Variants in LRRK1 observed in about 807,000 individuals in gnomAD.
LRRK1 encodes leucine rich repeat kinase 1.
LRRK1 carries 113 observed loss-of-function variants against 209.1 expected under a neutral mutation model. That is an observed-to-expected ratio of 0.54 (90% CI 0.46 to 0.63). The LOEUF is 0.63. LRRK1 is among the 30% of genes least tolerant of loss of function. The probability of loss-of-function intolerance (pLI) is 0.00; values close to 1 mark genes in which losing one functional copy is unlikely to be tolerated. For missense variants in LRRK1, 2,284 were observed against 2,632.2 expected (o/e 0.87, Z 2.89); for synonymous variants, 1,144 against 1,099.7 (o/e 1.04, Z -0.80).
chr15:101,062,637 T>C lies in LRRK1; in HGVS notation c.4861T>C (p.Leu1621=), dbSNP rs1264370004. The C allele has an allele frequency of 6.2e-7, 1 of 1,614,206 alleles. No individual in the cohort carries two copies. Among genetic ancestry groups the C allele is most frequent in the Non-Finnish European group, 8.5e-7 (1 of 1,180,018 alleles). The change falls in exon 31 of 34, where the codon TTG becomes CTG. Residue 1621 remains leucine, a synonymous_variant. Coordinates refer to ENST00000388948, the MANE Select transcript of LRRK1 (RefSeq NM_024652.6). The stretch of plus-strand genomic sequence containing the variant: ...CCCCTTAAACACACCCCAACAGGCC[T>C]TGGATACTCCAGCTGTCGTCACCTG... ...MCPLNTPQQA[L]DTPAVVTCFL... is the part of the protein sequence containing the mutation.
At chr15:100,928,008 G>A (rs1232873581) in intron 2 of LRRK1, among the ~76,000 whole-genome samples, 1 of 152,246 alleles carries the variant, frequency 6.6e-6, no homozygotes, top group Non-Finnish European at 1.5e-5. Flanking sequence ...CTCAAAGGGT[G>A]GCGTGTGGCC....
intron 2 of LRRK1, among the ~76,000 whole-genome samples, chr15:100,969,032 G>A (rs1387018377): frequency 6.6e-6 from 1 of 152,110 alleles, no homozygotes; most frequent in Non-Finnish European, 1.5e-5. Flanking sequence ...TGTAGAGACA[G>A]GGTCTACTTG....
At chr15:101,021,775 CG>C in intron 13 of LRRK1, 69 bp from the exon 14 acceptor site, 1 of 855,624 alleles carries the variant, frequency 1.2e-6, no homozygotes, top group Non-Finnish European at 1.9e-6. Context: ...CACGTGTGTG[CG>C]TGTGTGTGTG....
At chr15:100,968,330 G>T (rs1232743999) in intron 2 of LRRK1, among the ~76,000 whole-genome samples, 1 of 152,158 alleles carries the variant, frequency 6.6e-6, no homozygotes, top group Non-Finnish European at 1.5e-5. Context: ...TACATTTCTG[G>T]ACATATTTCT....
At chr15:100,926,649 TTTC>T (rs1260135912) in intron 2 of LRRK1, among the ~76,000 whole-genome samples, 3 of 151,246 alleles carry the variant, frequency 2.0e-5, no homozygotes, top group African/African-American at 7.3e-5. Flanking sequence ...TTTCATTTTC[TTTC>T]TTTCTTTTCT....
In LRRK1 at chr15:101,022,669, C is replaced by A; in HGVS notation, c.2067+72C>A. 9.2e-7 allele frequency: 1 copy of A among 1,092,308 alleles called. No homozygotes were observed. The highest frequency in any genetic ancestry group is 2.6e-5 in the East Asian group (1 of 38,626). The allele number at this position is 1,092,308 out of a possible 1,614,324, so 67.7% of individuals were successfully genotyped here. A position where few individuals can be genotyped will look rare whatever the true frequency, so the allele number is the denominator to read the frequency against. On this transcript the variant is annotated intron_variant, in intron 15 of 33. Coordinates refer to ENST00000388948, the MANE Select transcript of LRRK1 (RefSeq NM_024652.6). The surrounding 1 kb of genome is among the most constrained non-coding windows in gnomAD (Gnocchi z 4.0). The stretch of plus-strand genomic sequence containing the variant: ...CCCTTGGACTCCTTCTCCCTTCTCC[C>A]CAGAGAGCCCAGGATTTTCTCAGCC...
At chr15:101,021,984 G>C in intron 14 of LRRK1, 27 bp downstream of exon 14, 3 of 1,503,738 alleles carry the variant, frequency 2.0e-6, no homozygotes, top group South Asian at 2.3e-5. Flanking sequence ...CCTGTCCCCT[G>C]CCATCACCTC....
intron 31 of LRRK1, 186 bp from the exon 32 acceptor site, chr15:101,065,166 G>A (rs1240641487): frequency 2.5e-5 from 16 of 636,360 alleles, no homozygotes; most frequent in East Asian, 1.1e-4. Context: ...ATGGCTCTGC[G>A]GAGTCAGAGC....
At chr15:101,006,144 T>C (rs1446899152) in intron 6 of LRRK1, among the ~76,000 whole-genome samples, 1 of 152,180 alleles carries the variant, frequency 6.6e-6, no homozygotes, top group Non-Finnish European at 1.5e-5. Flanking sequence ...GGGCACCACC[T>C]GTAGCAGGAA....
chr15:100,923,153 C>T (rs966180043), intron 1 of LRRK1, among the ~76,000 whole-genome samples: 6 of 152,128 alleles, frequency 3.9e-5, no homozygotes, highest in African/African-American at 1.4e-4. Context: ...CCACCCCAGC[C>T]CTGTCGTAGA....
At position 100,919,811 on chromosome 15, in the gene LRRK1, G is replaced by A. The variant is rs1223278762; in HGVS notation, c.-123+360G>A. Among the ~76,000 whole-genome samples the A allele has an allele frequency of 1.3e-5, 2 of 152,206 alleles. No individual in the cohort carries two copies. Among genetic ancestry groups the A allele is most frequent in the Non-Finnish European group, 2.9e-5 (2 of 68,018 alleles). On this transcript the variant is annotated intron_variant, in intron 1 of 33. Coordinates refer to ENST00000388948, the MANE Select transcript of LRRK1 (RefSeq NM_024652.6). This position sits in a 1 kb window ranked among gnomAD's most constrained non-coding sequence, Gnocchi z 5.8. ...AGCGGAGGCAAGAGACACGAGTCGG[G>A]AGACACGAGCCGGGGAGCCCATAGG...
chr15:101,063,365 C>T (rs570907798), intron 31 of LRRK1, among the ~76,000 whole-genome samples: 4 of 152,344 alleles, frequency 2.6e-5, no homozygotes, highest in Non-Finnish European at 4.4e-5. Flanking sequence ...GGGCCCTTGA[C>T]ATCCCAGCCT....
Position 100,983,441 on chromosome 15 carries a change from C to T in LRRK1, c.262-87C>T, listed in dbSNP as rs945671927. ...GGACAACACAACTCCAGTCCTGCTC[C>T]GGGACCTGGTGAAGGGTTTAACGTC... is the stretch of plus-strand genomic sequence containing the variant. On this transcript the variant is annotated intron_variant, in intron 3 of 33. Transcript: ENST00000388948. 1.4e-5 allele frequency: 18 copies of T among 1,294,914 alleles called. No homozygotes were observed. The African/African-American group carries it at 1.6e-4, about 12-fold the overall frequency. The allele number at this position is 1,294,914 out of a possible 1,614,324, so 80.2% of individuals were successfully genotyped here.
At chr15:101,057,575 A>G (rs2035884366) in intron 28 of LRRK1, among the ~76,000 whole-genome samples, 4 of 152,226 alleles carry the variant, frequency 2.6e-5, no homozygotes. Flanking sequence ...TTATCTGGGC[A>G]TGGTGACATG....
intron 10 of LRRK1, among the ~76,000 whole-genome samples, chr15:101,012,629 CCCCAGGCAGAGTG>C (rs933924245): frequency 8.5e-5 from 13 of 152,114 alleles, no homozygotes; most frequent in African/African-American, 2.7e-4. Context: ...TGTAGTGGAC[CCCCAGGCAGAGTG>C]CCCAGGCCAC....
intron 6 of LRRK1, chr15:100,989,721 T>C (rs1448626355): frequency 1.2e-5 from 6 of 492,608 alleles, no homozygotes; most frequent in Non-Finnish European, 1.4e-5. Flanking sequence ...CACCTCTTAA[T>C]GGTCCCATCC....
chr15:101,023,112 A>G (rs1409344793), intron 15 of LRRK1, among the ~76,000 whole-genome samples: 1 of 152,122 alleles, frequency 6.6e-6, no homozygotes, highest in East Asian at 1.9e-4. Context: ...AGTGAAACAC[A>G]CCAGCATCTG....
At chr15:101,012,271 A>G (rs1463566516) in intron 10 of LRRK1, 126 bp downstream of exon 10, 9 of 944,828 alleles carry the variant, frequency 9.5e-6, no homozygotes, top group Admixed American at 4.9e-5. Flanking sequence ...ATGAAGAAAA[A>G]GTTCAGCTAT....
At chr15:100,970,292 G>C in intron 2 of LRRK1, among the ~76,000 whole-genome samples, 1 of 152,210 alleles carries the variant, frequency 6.6e-6, no homozygotes, top group East Asian at 1.9e-4. Context: ...ATGAACATGT[G>C]TGTGCCATCT....
Sources: allele counts gnomAD v4.1 joint callset (sites outside exome capture counted in the v4.1 genomes callset), GRCh38; gene constraint gnomAD v4.1.1; non-coding constraint Gnocchi (gnomAD v3.1); transcripts MANE v1.5; gene names NCBI Gene and HGNC (gene_info 2026-07-23, HGNC 2026-07-21).